Variants in MAP1LC3B observed in about 807,000 individuals in gnomAD.
The protein encoded by MAP1LC3B is microtubule-associated protein 1 light chain 3 beta.
A neutral mutation model predicts 16.7 loss-of-function variants in MAP1LC3B; 12 were observed. The observed-to-expected ratio is 0.72, with a 90% CI of 0.46 to 1.16. The LOEUF is 1.16. Among genes scored for constraint, MAP1LC3B ranks in the 50% most tolerant of loss-of-function variants. MAP1LC3B has a pLI of 0.00. For missense variants in MAP1LC3B, 155 were observed against 159.5 expected, an observed-to-expected ratio of 0.97 and a Z score of 0.15; for synonymous variants, 63 against 56.5, an observed-to-expected ratio of 1.11 and a Z score of -0.51.
Position 87,402,662 on chromosome 16 carries a change from ACTG to A in MAP1LC3B, c.204-258_204-256del, listed in dbSNP as rs561963205. 2,883 of 560,318 alleles carry A rather than the reference ACTG, an allele frequency of 5.1e-3. 16 individuals are homozygous for A. The highest frequency in any genetic ancestry group is 9.0e-3 in the Middle Eastern group (19 of 2,110). The allele number at this position is 560,318 out of a possible 1,614,324, so 34.7% of individuals were successfully genotyped here. A position where few individuals can be genotyped will look rare whatever the true frequency, so the allele number is the denominator to read the frequency against. ...AGAATAGTTCAGAAACTGTATTTGA[ACTG>A]CTTTCTTATATTAGACAGTTTAACA... is the stretch of plus-strand genomic sequence containing the variant. On this transcript the variant is annotated intron_variant, in intron 3 of 3. Transcript: ENST00000268607.
Position 87,403,020 on chromosome 16 carries a change from A to G in MAP1LC3B, c.301A>G (p.Ser101Gly). Reference sequence around the variant, plus strand: ...CACACCAATCTCAGAGGTGTATGAGAGTGAGAAAGATGAAGATGGATTCCT... The same window carrying G: ...CACACCAATCTCAGAGGTGTATGAGGGTGAGAAAGATGAAGATGGATTCCT... ...VSTPISEVYE[S>G]EKDEDGFLYM... Residue 101 changes from serine (S) to glycine (G), a missense_variant, in exon 4 of 4, where the codon AGT (serine) becomes GGT (glycine). Ser to Gly is a moderately conservative substitution (Grantham distance 56). Transcript: ENST00000268607. 4 of 1,614,144 alleles carry G rather than the reference A, an allele frequency of 2.5e-6. No homozygotes were observed. The highest frequency in any genetic ancestry group is 3.4e-6 in the Non-Finnish European group (4 of 1,179,994).
intron 2 of MAP1LC3B, 22 bp from the exon 3 acceptor site, chr16:87,402,152 AT>A: frequency 6.2e-7 from 1 of 1,613,656 alleles, no homozygotes; most frequent in Non-Finnish European, 8.5e-7. Flanking sequence ...CTATTTTAAA[AT>A]CACTTCTGGC....
chr16:87,394,340 G>C (rs143560149), intron 1 of MAP1LC3B, among the ~76,000 whole-genome samples: 1 of 152,124 alleles, frequency 6.6e-6, no homozygotes, highest in African/African-American at 2.4e-5. Flanking sequence ...AGTACTGACA[G>C]TTTTCAGACA....
At position 87,392,454 on chromosome 16, in the gene MAP1LC3B, G is replaced by C. The variant is rs1486586915; in HGVS notation, c.27G>C (p.Gln9His). The C allele has an allele frequency of 3.6e-6, 5 of 1,374,068 alleles. No individual in the cohort carries two copies. Among genetic ancestry groups the C allele is most frequent in the Non-Finnish European group, 4.7e-6 (5 of 1,072,072 alleles). 85.1% of individuals were successfully genotyped at this position (1,374,068 alleles called of 1,614,324 possible). The change falls in exon 1 of 4, where the codon CAG (glutamine) becomes CAC (histidine). Residue 9 changes from glutamine to histidine, a missense_variant. Physicochemically the swap from Gln to His is conservative, Grantham distance 24 (BLOSUM62 0). Transcript: ENST00000268607. ...TGCCGTCGGAGAAGACCTTCAAGCA[G>C]CGCCGCACCTTCGGTGAGTGTCGCC... Reference protein sequence around the residue: MPSEKTFKQRRTFEQRVED... With the variant: MPSEKTFKHRRTFEQRVED...
chr16:87,403,127 T>A lies in MAP1LC3B; in HGVS notation c.*30T>A, dbSNP rs1908055795. On this transcript the variant is annotated 3_prime_UTR_variant, in exon 4 of 4. Transcript: ENST00000268607. ...AGAAAAAATGCAGCTCTTCTAGAAT[T>A]GTTTAAACCCTTACCAAGGAAAAAA... 6.4e-6 allele frequency: 10 copies of A among 1,572,944 alleles called. No individual in the cohort carries two copies. In the East Asian group the frequency reaches 2.2e-4, roughly 35 times the overall value.
intron 1 of MAP1LC3B, among the ~76,000 whole-genome samples, chr16:87,397,188 T>C (rs1205768427): frequency 6.6e-6 from 1 of 152,246 alleles, no homozygotes; most frequent in African/African-American, 2.4e-5. Context: ...TCCATGAGTT[T>C]GCAATCTTTG....
rs1414822057 is a variant in MAP1LC3B, at chr16:87,397,117, C to T, written c.41-1698C>T. On this transcript the variant is annotated intron_variant, in intron 1 of 3. Coordinates refer to ENST00000268607, the MANE Select transcript of MAP1LC3B (RefSeq NM_022818.5). Reference sequence around the variant, plus strand: ...CTGGGGTTACAGGCATGAGCCACTGCGCCCAGCCACCAAATTTATCATTTG... The same window carrying T: ...CTGGGGTTACAGGCATGAGCCACTGTGCCCAGCCACCAAATTTATCATTTG... Among the ~76,000 whole-genome samples the T allele has an allele frequency of 3.9e-5, 6 of 152,004 alleles. No individual in the cohort carries two copies. The East Asian group carries it at 1.2e-3, about 29-fold the overall frequency.
chr16:87,392,866 G>A (rs1041786433), intron 1 of MAP1LC3B: 1 of 152,022 alleles, frequency 6.6e-6, no homozygotes, highest in Non-Finnish European at 1.5e-5. Flanking sequence ...CGCGCTTCTG[G>A]GGCCCAACAG....
In MAP1LC3B at chr16:87,403,994, C is replaced by T. The variant is rs1356563822; in HGVS notation, c.*897C>T. On this transcript the variant is annotated 3_prime_UTR_variant, in exon 4 of 4. Transcript: ENST00000268607. ...TAACATTCAGACACACTCCCTTCTG[C>T]CTTCCGGCTTAAAGCTGTGGATGAT... 6.6e-6 allele frequency: 1 copy of T among 152,120 alleles called. No individual in the cohort carries two copies. The highest frequency in any genetic ancestry group is 1.5e-5 in the Non-Finnish European group (1 of 68,030). The allele number at this position is 152,120 out of a possible 1,614,324, so 9.4% of individuals were successfully genotyped here. A position where few individuals can be genotyped will look rare whatever the true frequency, so the allele number is the denominator to read the frequency against.
Position 87,402,162 on chromosome 16 carries a change from G to A in MAP1LC3B, c.97-13G>A. 6.2e-7 allele frequency: 1 copy of A among 1,613,762 alleles called. No homozygotes were observed. Among genetic ancestry groups the A allele is most frequent in the Non-Finnish European group, 8.5e-7 (1 of 1,179,850 alleles). ...GATGACTATTTTAAAATCACTTCTG[G>A]CTTCTTTTCCAGGTGATAATAGAAC... On this transcript the variant is annotated splice_polypyrimidine_tract_variant and intron_variant, in intron 2 of 3. Coordinates refer to ENST00000268607, the MANE Select transcript of MAP1LC3B (RefSeq NM_022818.5).
At position 87,403,788 on chromosome 16, in the gene MAP1LC3B, T is replaced by G. The variant is rs1369705977; in HGVS notation, c.*691T>G. On this transcript the variant is annotated 3_prime_UTR_variant, in exon 4 of 4. Coordinates refer to ENST00000268607, the MANE Select transcript of MAP1LC3B (RefSeq NM_022818.5). Reference sequence around the variant, plus strand: ...ATAAAGACACCACTCAAAAGGAAACTTGAATAATTTATAATTTTGATCGAG... The same window carrying G: ...ATAAAGACACCACTCAAAAGGAAACGTGAATAATTTATAATTTTGATCGAG... 1 of 152,160 alleles carries G rather than the reference T, an allele frequency of 6.6e-6. No homozygotes were observed. The highest frequency in any genetic ancestry group is 2.4e-5 in the African/African-American group (1 of 41,436). 9.4% of individuals were successfully genotyped at this position (152,160 alleles called of 1,614,324 possible).
At chr16:87,392,574 G>T (rs112400613) in intron 1 of MAP1LC3B, 107 bp downstream of exon 1, 1 of 1,075,486 alleles carries the variant, frequency 9.3e-7, no homozygotes, top group South Asian at 4.6e-5. Flanking sequence ...CCGGGAGGCC[G>T]AGCGGGGCCG....
intron 1 of MAP1LC3B, among the ~76,000 whole-genome samples, chr16:87,397,638 A>AT (rs1185534340): frequency 1.3e-5 from 2 of 152,096 alleles, no homozygotes; most frequent in Admixed American, 6.6e-5. Flanking sequence ...TGATACTAAA[A>AT]TTTTTTTTAA....
At position 87,404,451 on chromosome 16, in the gene MAP1LC3B, C is replaced by G. The variant is rs1174166803; in HGVS notation, c.*1354C>G. 1.3e-5 allele frequency: 2 copies of G among 152,082 alleles called. No homozygotes were observed. The highest frequency in any genetic ancestry group is 4.1e-4 in the South Asian group (2 of 4,834). The allele number at this position is 152,082 out of a possible 1,614,324, so 9.4% of individuals were successfully genotyped here. On this transcript the variant is annotated 3_prime_UTR_variant, in exon 4 of 4. Coordinates refer to ENST00000268607, the MANE Select transcript of MAP1LC3B (RefSeq NM_022818.5). ...ACCAGATTCTTTGCATCTGGGCCCTCTACTGATTGTTAAAGGAGTTCCTGT... is the reference window on the plus strand; with the variant it reads ...ACCAGATTCTTTGCATCTGGGCCCTGTACTGATTGTTAAAGGAGTTCCTGT...
chr16:87,402,945 A>C lies in MAP1LC3B; in HGVS notation c.226A>C (p.Asn76His), dbSNP rs1420825485. 2 of 1,613,996 alleles carry C rather than the reference A, an allele frequency of 1.2e-6. No individual in the cohort carries two copies. The highest frequency in any genetic ancestry group is 1.3e-5 in the African/African-American group (1 of 75,054). ...IIRRRLQLNA[N>H]QAFFLLVNGH... ...TAGAAGGCGCTTACAGCTCAATGCT[A>C]ATCAGGCCTTCTTCCTGTTGGTGAA... is the stretch of plus-strand genomic sequence containing the variant. The change falls in exon 4 of 4, where the codon AAT becomes CAT. Residue 76 changes from asparagine to histidine, a missense_variant. Asn to His is a moderately conservative substitution (Grantham distance 68, BLOSUM62 1). Transcript: ENST00000268607.
At chr16:87,393,934 A>G (rs904372079) in intron 1 of MAP1LC3B, among the ~76,000 whole-genome samples, 1 of 152,292 alleles carries the variant, frequency 6.6e-6, no homozygotes, top group African/African-American at 2.4e-5. Flanking sequence ...CCTTTTTCTC[A>G]TAACAGAAAC....
Position 87,392,389 on chromosome 16 carries a change from T to A in MAP1LC3B, c.-39T>A. 1 of 1,410,774 alleles carries A rather than the reference T, an allele frequency of 7.1e-7. No homozygotes were observed. Among genetic ancestry groups the A allele is most frequent in the South Asian group, 1.5e-5 (1 of 68,444 alleles). 87.4% of individuals were successfully genotyped at this position (1,410,774 alleles called of 1,614,324 possible). A position where few individuals can be genotyped will look rare whatever the true frequency, so the allele number is the denominator to read the frequency against. ...CCGCCCCCGGGAGCCGCCGGGACCC[T>A]CGCGTCGTCGCCGCCGCCGCCGCCC... On this transcript the variant is annotated 5_prime_UTR_variant, in exon 1 of 4. Transcript: ENST00000268607.
At chr16:87,396,047 G>C (rs931353090) in intron 1 of MAP1LC3B, among the ~76,000 whole-genome samples, 2 of 151,262 alleles carry the variant, frequency 1.3e-5, no homozygotes, top group African/African-American at 4.8e-5. Context: ...TTTTAGTAAA[G>C]ACAGGGTTTC....
Position 87,392,605 on chromosome 16 carries a change from C to T in MAP1LC3B, c.40+138C>T, listed in dbSNP as rs1336991478. 14 of 824,254 alleles carry T rather than the reference C, an allele frequency of 1.7e-5. No homozygotes were observed. In the East Asian group the frequency reaches 7.8e-4, roughly 46 times the overall value. 51.1% of individuals were successfully genotyped at this position (824,254 alleles called of 1,614,324 possible). ...GGCCGGTGGCTGCCGGCCGGCGGGG[C>T]CGAGGGATGCGGGGCCCGGGGCCCC... is the stretch of plus-strand genomic sequence containing the variant. On this transcript the variant is annotated intron_variant, in intron 1 of 3. Coordinates refer to ENST00000268607, the MANE Select transcript of MAP1LC3B (RefSeq NM_022818.5).
Sources: allele counts gnomAD v4.1 joint callset (sites outside exome capture counted in the v4.1 genomes callset), GRCh38; gene constraint gnomAD v4.1.1; transcripts MANE v1.5; gene names NCBI Gene and HGNC (gene_info 2026-07-23, HGNC 2026-07-21).